Variants in PDE4D observed in about 807,000 individuals in gnomAD.
PDE4D encodes the protein phosphodiesterase 4D, also known as 3',5'-cyclic-AMP phosphodiesterase 4D.
Under a neutral mutation model 87.4 loss-of-function variants are expected in PDE4D, and 24 were observed. The observed-to-expected ratio is 0.27, with a 90% CI of 0.20 to 0.39. The LOEUF is 0.39. PDE4D is among the 10% of genes least tolerant of loss of function. The pLI is 1.00. For missense variants in PDE4D, 714 were observed against 1,041.0 expected (o/e 0.69, Z 4.32); for synonymous variants, 384 against 383.2 (o/e 1.00, Z -0.02).
At chr5:59,275,426 A>G in intron 1 of PDE4D, 2 of 1,595,036 alleles carry the variant, frequency 1.3e-6, no homozygotes, top group East Asian at 2.2e-5. Flanking sequence ...AAAAAGGAAA[A>G]TAAGTCTTCA....
intron 1 of PDE4D, among the ~76,000 whole-genome samples, chr5:59,845,587 G>A: frequency 6.6e-6 from 1 of 152,040 alleles, no homozygotes. Context: ...AAATTTAGCA[G>A]ATTTGCCAAC....
chr5:59,262,208 C>CA (rs1177021507), intron 1 of PDE4D, among the ~76,000 whole-genome samples: 1 of 151,912 alleles, frequency 6.6e-6, no homozygotes, highest in African/African-American at 2.4e-5. Flanking sequence ...GTCTCTCTAA[C>CA]AGCCAGCAGG....
intron 5 of PDE4D, among the ~76,000 whole-genome samples, chr5:59,114,158 T>C (rs1395497181): frequency 1.3e-5 from 2 of 151,868 alleles, no homozygotes; most frequent in Non-Finnish European, 2.9e-5. Context: ...GAAGTATACT[T>C]TGATGCAGAA....
At chr5:59,156,320 A>AAATATATATATATAT (rs548335725) in intron 5 of PDE4D, among the ~76,000 whole-genome samples, 78 of 81,770 alleles carry the variant, frequency 9.5e-4, no homozygotes, top group Non-Finnish European at 1.3e-3. Flanking sequence ...AAAAAAAAAA[A>AAATATATATATATAT]ATATATATAT....
At chr5:59,526,719 G>A (rs558243996) in intron 1 of PDE4D, among the ~76,000 whole-genome samples, 79 of 152,226 alleles carry the variant, frequency 5.2e-4, no homozygotes, top group Non-Finnish European at 3.5e-4. Flanking sequence ...TGCCTCTCAG[G>A]CTCAAGCAAT....
chr5:58,978,634 A>AT (rs894713438), intron 11 of PDE4D, among the ~76,000 whole-genome samples: 2 of 152,150 alleles, frequency 1.3e-5, no homozygotes, highest in African/African-American at 4.8e-5. Flanking sequence ...AAATTCTATT[A>AT]TTTTATCGGA....
intron 1 of PDE4D, among the ~76,000 whole-genome samples, chr5:59,547,315 G>A (rs902365708): frequency 6.6e-6 from 1 of 152,000 alleles, no homozygotes; most frequent in African/African-American, 2.4e-5. Flanking sequence ...AAAAAAAGGG[G>A]CAGTATATAC....
intron 1 of PDE4D, among the ~76,000 whole-genome samples, chr5:59,638,534 C>T (rs576817131): frequency 3.2e-4 from 49 of 152,266 alleles, no homozygotes; most frequent in African/African-American, 1.1e-3. Context: ...TGTTTGAGAA[C>T]AAGTAACTCC....
intron 3 of PDE4D, among the ~76,000 whole-genome samples, chr5:59,903,324 A>C (rs1037131138): frequency 6.6e-6 from 1 of 152,134 alleles, no homozygotes; most frequent in East Asian, 1.9e-4. Context: ...GAGAATTACT[A>C]GTTTAAAATA....
chr5:60,358,932 G>A (rs774775280), intron 1 of PDE4D, among the ~76,000 whole-genome samples: 6 of 152,088 alleles, frequency 3.9e-5, no homozygotes, highest in Non-Finnish European at 7.4e-5. Flanking sequence ...TTTCTATCAG[G>A]AGTCCTAGGT....
At chr5:59,047,362 G>A (rs997717344) in intron 5 of PDE4D, among the ~76,000 whole-genome samples, 1 of 152,130 alleles carries the variant, frequency 6.6e-6, no homozygotes. Context: ...AAACAGGTAG[G>A]GATATAAAGT....
intron 5 of PDE4D, among the ~76,000 whole-genome samples, chr5:59,142,955 G>C (rs1778116707): frequency 6.6e-6 from 1 of 152,010 alleles, no homozygotes; most frequent in Non-Finnish European, 1.5e-5. Context: ...TTGGGAGTTA[G>C]GTAAGGAGCA....
intron 1 of PDE4D, among the ~76,000 whole-genome samples, chr5:59,281,239 C>G (rs1247477196): frequency 6.6e-6 from 1 of 152,130 alleles, no homozygotes; most frequent in Admixed American, 6.6e-5. Context: ...TTGGTTAAGT[C>G]ATTGACCTTT....
chr5:59,454,689 TAGG>T (rs1799657304), intron 1 of PDE4D, among the ~76,000 whole-genome samples: 1 of 152,060 alleles, frequency 6.6e-6, no homozygotes, highest in African/African-American at 2.4e-5. Flanking sequence ...TTGGAACAGT[TAGG>T]AGGGCTTAGA....
rs560844589 is a variant in PDE4D, at chr5:59,885,690, G to T, written c.455+7478C>A. On this transcript the variant is annotated intron_variant, in intron 1 of 14. Coordinates refer to ENST00000340635, the MANE Select transcript of PDE4D (RefSeq NM_001104631.2). ...GCACTTCTCTAAATTTACAAAGGGGGCTTTATCCCATCAGAGTTATTTTCA... is the reference window on the plus strand; with the variant it reads ...GCACTTCTCTAAATTTACAAAGGGGTCTTTATCCCATCAGAGTTATTTTCA... 1.4e-3 allele frequency among the ~76,000 whole-genome samples: 208 copies of T among 151,938 alleles called. 1 individual carries two copies. The highest frequency in any genetic ancestry group is 4.9e-3 in the African/African-American group (202 of 41,486).
At chr5:60,217,269 A>T (rs191889543) in intron 1 of PDE4D, among the ~76,000 whole-genome samples, 83 of 152,050 alleles carry the variant, frequency 5.5e-4, no homozygotes, top group Non-Finnish European at 9.9e-4. Flanking sequence ...AGGAATGGGG[A>T]GTTGTTGTTT....
intron 1 of PDE4D, among the ~76,000 whole-genome samples, chr5:60,443,775 C>A (rs1309700084): frequency 1.3e-5 from 2 of 152,140 alleles, no homozygotes; most frequent in African/African-American, 4.8e-5. Context: ...TCTCAGAGAG[C>A]TGAGAAAGTA....
intron 2 of PDE4D, among the ~76,000 whole-genome samples, chr5:60,154,468 G>C (rs1457040378): frequency 6.6e-6 from 1 of 152,100 alleles, no homozygotes; most frequent in Non-Finnish European, 1.5e-5. Context: ...TAGAGACGGG[G>C]TTGCACCATC....
intron 5 of PDE4D, among the ~76,000 whole-genome samples, chr5:59,154,972 A>G (rs893731719): frequency 2.0e-5 from 3 of 152,214 alleles, no homozygotes; most frequent in Non-Finnish European, 4.4e-5. Context: ...GTGTTTCACT[A>G]ACTGAGATAG....
Sources: gnomAD v4.1 joint callset for allele counts (sites outside exome capture counted in the v4.1 genomes callset) on GRCh38, gnomAD v4.1.1 for gene constraint, MANE v1.5 for transcripts, NCBI Gene and HGNC (gene_info 2026-07-23, HGNC 2026-07-21) for gene names.